ADIPOR2: variants seen among roughly 807,000 people sequenced by gnomAD.
ADIPOR2 encodes the protein adiponectin receptor 2.
ADIPOR2 carries 18 observed loss-of-function variants against 40.9 expected under a neutral mutation model. That is an observed-to-expected ratio of 0.44 (90% confidence interval 0.30 to 0.65). The LOEUF (loss-of-function observed/expected upper bound fraction) is 0.65. Ranked by LOEUF, ADIPOR2 falls within the 30% of genes least tolerant of loss-of-function variation. ADIPOR2 has a pLI of 0.09. For missense variants in ADIPOR2, 283 were observed against 479.2 expected, an observed-to-expected ratio of 0.59 and a Z score of 3.82; for synonymous variants, 165 against 166.4, an observed-to-expected ratio of 0.99 and a Z score of 0.06.
intron 1 of ADIPOR2, among the ~76,000 whole-genome samples, chr12:1,692,728 A>C (rs1592563004): frequency 7.7e-6 from 1 of 130,004 alleles, no homozygotes; most frequent in African/African-American, 2.7e-5. Flanking sequence ...TAGCTGGTGC[A>C]CTTTTTTTTT....
chr12:1,734,409 C>A (rs1026169562), intron 1 of ADIPOR2, among the ~76,000 whole-genome samples: 2 of 152,118 alleles, frequency 1.3e-5, no homozygotes, highest in Non-Finnish European at 2.9e-5. Flanking sequence ...TAAATGTCTT[C>A]TTTTGAGAAG....
At chr12:1,704,117 A>C (rs962665138) in intron 1 of ADIPOR2, among the ~76,000 whole-genome samples, 3 of 86,030 alleles carry the variant, frequency 3.5e-5, no homozygotes, top group Admixed American at 1.7e-4. Context: ...TAATTTTATT[A>C]TATGTATACC....
At chr12:1,709,634 A>G (rs2094672118) in intron 1 of ADIPOR2, among the ~76,000 whole-genome samples, 1 of 152,230 alleles carries the variant, frequency 6.6e-6, no homozygotes, top group South Asian at 2.1e-4. Flanking sequence ...GGTAAAATAT[A>G]CGATATTGGA....
intron 1 of ADIPOR2, among the ~76,000 whole-genome samples, chr12:1,748,891 T>C (rs1332292980): frequency 1.3e-5 from 2 of 151,896 alleles, no homozygotes; most frequent in Non-Finnish European, 2.9e-5. Flanking sequence ...AGTTCGACAC[T>C]ATCTCCGGGT....
chr12:1,760,802 C>A (rs1251566044), intron 2 of ADIPOR2: 6 of 152,188 alleles, frequency 3.9e-5, no homozygotes, highest in Non-Finnish European at 1.5e-5. Flanking sequence ...GAAATAATTT[C>A]TAAGTTTTAA....
intron 1 of ADIPOR2, among the ~76,000 whole-genome samples, chr12:1,698,437 G>A (rs573319144): frequency 1.1e-4 from 17 of 152,224 alleles, no homozygotes; most frequent in African/African-American, 4.1e-4. Context: ...GCCCAGGCCG[G>A]CCTTGAACTC....
intron 2 of ADIPOR2, chr12:1,757,893 T>A: frequency 1.2e-6 from 1 of 820,106 alleles, no homozygotes; most frequent in African/African-American, 1.7e-5. Context: ...GGGGAGACAC[T>A]CTCTCAACTT....
Position 1,782,976 on chromosome 12 carries a change from CTTTTTTTTTTTTT to C in ADIPOR2, c.839-890_839-878del, listed in dbSNP as rs71055199. On this transcript the variant is annotated intron_variant, in intron 6 of 7. Transcript: ENST00000357103. ...TTCTTTTCTTTTTCTTTCTTTCTTT[CTTTTTTTTTTTTT>C]TTTTTTTTTTTTTGAGATGGAGTCT... 4.8e-3 allele frequency among the ~76,000 whole-genome samples: 526 copies of C among 109,742 alleles called. 2 individuals are homozygous for C. Among genetic ancestry groups the C allele is most frequent in the Middle Eastern group, 0.026 (5 of 196 alleles). The allele number at this position is 109,742 out of a possible 152,430, so 72.0% of individuals were successfully genotyped here. A position where few individuals can be genotyped will look rare whatever the true frequency, so the allele number is the denominator to read the frequency against.
chr12:1,785,934 T>C lies in ADIPOR2; in HGVS notation c.1033-10T>C, dbSNP rs1565661301. ...TTCTCTACCCCCTTCTCTTCTTTTT[T>C]CCCCTCCAGTTTCACTCTCATCAGC... On this transcript the variant is annotated splice_polypyrimidine_tract_variant and intron_variant, in intron 7 of 7. Transcript: ENST00000357103. 6.2e-7 allele frequency: 1 copy of C among 1,613,722 alleles called. No individual in the cohort carries two copies.
chr12:1,736,078 G>T (rs1227893689), intron 1 of ADIPOR2, among the ~76,000 whole-genome samples: 1 of 152,166 alleles, frequency 6.6e-6, no homozygotes, highest in Non-Finnish European at 1.5e-5. Context: ...GTCTCTGCCA[G>T]GCTTTGGTAT....
Position 1,764,588 on chromosome 12 carries a change from C to CACACACACACACACAT in ADIPOR2, c.172-8252_172-8251insACACACACACACATAC, listed in dbSNP as rs1555170937. 8.3e-4 allele frequency among the ~76,000 whole-genome samples: 116 copies of CACACACACACACACAT among 140,022 alleles called. 3 individuals are homozygous for CACACACACACACACAT. Among genetic ancestry groups the CACACACACACACACAT allele is most frequent in the African/African-American group, 2.7e-3 (108 of 39,970 alleles). 91.9% of individuals were successfully genotyped at this position (140,022 alleles called of 152,430 possible). A position where few individuals can be genotyped will look rare whatever the true frequency, so the allele number is the denominator to read the frequency against. ...ACACACACACACACACACACACACA[C>CACACACACACACACAT]ACGTAGATATATTGTAAGTGGATAG... On this transcript the variant is annotated intron_variant, in intron 2 of 7. Transcript: ENST00000357103.
intron 1 of ADIPOR2, among the ~76,000 whole-genome samples, chr12:1,700,529 G>A (rs1480829245): frequency 6.6e-6 from 1 of 152,112 alleles, no homozygotes; most frequent in Admixed American, 6.6e-5. Context: ...TAAAATATGT[G>A]TAAAAAGAAG....
chr12:1,742,753 T>C (rs182592483), intron 1 of ADIPOR2, among the ~76,000 whole-genome samples: 129 of 152,338 alleles, frequency 8.5e-4, no homozygotes, highest in African/African-American at 2.8e-3. Context: ...GAAAAAAGTC[T>C]ACATGTTCAG....
rs373241108 is a variant in ADIPOR2 at position 1,708,647 on chromosome 12, C to T, written c.-87+17456C>T. On this transcript the variant is annotated intron_variant, in intron 1 of 7. Coordinates refer to ENST00000357103, the MANE Select transcript of ADIPOR2 (RefSeq NM_024551.3). ...AGACTATCCTTTCCTCATTTAATTA[C>T]TTTGACCTTTGTTGAAAATCAGTTG... Among the ~76,000 whole-genome samples, 5 of 152,048 alleles carry T rather than the reference C, an allele frequency of 3.3e-5. No individual in the cohort carries two copies. In the East Asian group the frequency reaches 9.7e-4, roughly 29 times the overall value.
intron 1 of ADIPOR2, among the ~76,000 whole-genome samples, chr12:1,743,362 A>G (rs7962777): frequency 0.97 from 145,682 of 149,624 alleles, 71,041 homozygotes; most frequent in East Asian, 1. Context: ...ACATCAAGTA[A>G]CTTTGGAGGC....
At chr12:1,714,132 G>A (rs893236078) in intron 1 of ADIPOR2, among the ~76,000 whole-genome samples, 11 of 152,184 alleles carry the variant, frequency 7.2e-5, no homozygotes, top group Middle Eastern at 3.4e-3. Context: ...CTTGTTTCTC[G>A]TTGGACAATC....
intron 2 of ADIPOR2, among the ~76,000 whole-genome samples, chr12:1,761,581 G>A (rs770848365): frequency 4.8e-4 from 73 of 152,182 alleles, no homozygotes; most frequent in Non-Finnish European, 9.6e-4. Context: ...TTTCATCATA[G>A]TCAGTTAGCT....
chr12:1,720,472 G>A (rs1383893652), intron 1 of ADIPOR2, among the ~76,000 whole-genome samples: 1 of 152,182 alleles, frequency 6.6e-6, no homozygotes, highest in Non-Finnish European at 1.5e-5. Context: ...TGGAATCAGT[G>A]GGAGCCCTGA....
intron 2 of ADIPOR2, among the ~76,000 whole-genome samples, chr12:1,762,774 G>A (rs1254281881): frequency 1.3e-5 from 2 of 152,174 alleles, no homozygotes; most frequent in African/African-American, 2.4e-5. Flanking sequence ...TACAGATGAG[G>A]AAACTGAGGT....
Sources: gnomAD v4.1 joint callset for allele counts (sites outside exome capture counted in the v4.1 genomes callset) on GRCh38, gnomAD v4.1.1 for gene constraint, MANE v1.5 for transcripts, NCBI Gene and HGNC (gene_info 2026-07-23, HGNC 2026-07-21) for gene names.